The following KCNQ1 variants were observed in gnomAD, a reference collection of about 807,000 sequenced individuals.
KCNQ1 encodes the protein potassium voltage-gated channel subfamily KQT member 1.
Under a neutral mutation model 72.4 loss-of-function variants are expected in KCNQ1, and 49 were observed. That is an observed-to-expected ratio of 0.68 (90% CI 0.54 to 0.86). KCNQ1 has a LOEUF of 0.86. KCNQ1 is among the 40% of genes least tolerant of loss of function. The probability of loss-of-function intolerance (pLI) is 0.00; values close to 1 mark genes in which losing one functional copy is unlikely to be tolerated. For synonymous variants in KCNQ1, 450 were observed against 412.6 expected (o/e 1.09, Z -1.10); for missense variants, 790 against 945.1 (o/e 0.84, Z 2.15).
chr11:2,796,574 G>A (rs1455559467), intron 15 of KCNQ1, among the ~76,000 whole-genome samples: 1 of 152,226 alleles, frequency 6.6e-6, no homozygotes, highest in African/African-American at 2.4e-5. Context: ...TCTCCATGGG[G>A]AAGGAAAACG....
chr11:2,619,593 C>G (rs1376926179), intron 10 of KCNQ1: 2 of 398,252 alleles, frequency 5.0e-6, no homozygotes, highest in Non-Finnish European at 8.8e-6. Flanking sequence ...ATTTTTGCAT[C>G]GGTATTCTTG....
Position 2,595,117 on chromosome 11 carries a change from A to G in KCNQ1, c.1393+6263A>G, listed in dbSNP as rs1488357762. 6.6e-6 allele frequency among the ~76,000 whole-genome samples: 1 copy of G among 152,198 alleles called. No homozygotes were observed. Among genetic ancestry groups the G allele is most frequent in the Admixed American group, 6.5e-5 (1 of 15,280 alleles). On this transcript the variant is annotated intron_variant, in intron 10 of 15. Transcript: ENST00000155840. This position sits in a 1 kb window ranked among gnomAD's most constrained non-coding sequence, Gnocchi z 5.0. ...TAGACAACCTATGCAGTGTAAACAG[A>G]AACCCCAATCTCCTGTGAGAGCAAG...
chr11:2,741,698 G>C (rs1270571402), intron 11 of KCNQ1, among the ~76,000 whole-genome samples: 3 of 152,244 alleles, frequency 2.0e-5, no homozygotes, highest in Non-Finnish European at 4.4e-5. Context: ...CGCTGTGAGT[G>C]GGGGCAGGCT....
In KCNQ1 at chr11:2,678,525, A is replaced by G; in HGVS notation, c.1514+16444A>G. ...TTCTAGACTCTATTCTGGACTGCTG[A>G]TGGGCCTGTTGATAGGCCAGAGCTC... On this transcript the variant is annotated intron_variant, in intron 11 of 15. Coordinates refer to ENST00000155840, the MANE Select transcript of KCNQ1 (RefSeq NM_000218.3). The surrounding 1 kb of genome is among the most constrained non-coding windows in gnomAD (Gnocchi z 4.9). 1 of 398,598 alleles carries G rather than the reference A, an allele frequency of 2.5e-6. No homozygotes were observed. The highest frequency in any genetic ancestry group is 4.4e-6 in the Non-Finnish European group (1 of 226,066). The allele number at this position is 398,598 out of a possible 1,614,324, so 24.7% of individuals were successfully genotyped here.
intron 11 of KCNQ1, among the ~76,000 whole-genome samples, chr11:2,753,888 T>G (rs980243407): frequency 1.1e-4 from 16 of 152,336 alleles, no homozygotes; most frequent in African/African-American, 1.9e-4. Flanking sequence ...GCTGGTTTTT[T>G]TTGTTGTTGT....
intron 10 of KCNQ1, chr11:2,616,541 T>C: frequency 2.5e-6 from 1 of 398,108 alleles, no homozygotes; most frequent in South Asian, 1.3e-4. Context: ...ATTTTTCCTC[T>C]GAGCACTTCT....
At chr11:2,496,602 A>C (rs1846925857) in intron 1 of KCNQ1, among the ~76,000 whole-genome samples, 1 of 142,934 alleles carries the variant, frequency 7.0e-6, no homozygotes, top group Non-Finnish European at 1.5e-5. Flanking sequence ...GGATCTCCTG[A>C]ATAAAGCACA....
At chr11:2,619,495 T>C in intron 10 of KCNQ1, 1 of 398,606 alleles carries the variant, frequency 2.5e-6, no homozygotes, top group Non-Finnish European at 4.4e-6. Flanking sequence ...TAAATAAGAT[T>C]TGCATGCCAG....
rs1187006416 is a variant in KCNQ1, at chr11:2,638,124, CTT to C, written c.1394-23835_1394-23834del. On this transcript the variant is annotated intron_variant, in intron 10 of 15. Transcript: ENST00000155840. ...TACAGCACACTGATGGGTCTTGACT[CTT>C]TATCCAATTTGCCAGTCTGTGTCTT... 1.4e-4 allele frequency: 21 copies of C among 152,236 alleles called. No homozygotes were observed. The East Asian group carries it at 3.1e-3, about 22-fold the overall frequency. The allele number at this position is 152,236 out of a possible 1,614,324, so 9.4% of individuals were successfully genotyped here.
Position 2,659,468 on chromosome 11 carries a change from A to G in KCNQ1, c.1394-2493A>G. 2.5e-6 allele frequency: 1 copy of G among 398,564 alleles called. No homozygotes were observed. Among genetic ancestry groups the G allele is most frequent in the Non-Finnish European group, 4.4e-6 (1 of 226,030 alleles). 24.7% of individuals were successfully genotyped at this position (398,564 alleles called of 1,614,324 possible). The stretch of plus-strand genomic sequence containing the variant: ...TCTTTTTATTGCTGGGTGGTATTCC[A>G]TTGCATGAATATATACATTTTGTTT... On this transcript the variant is annotated intron_variant, in intron 10 of 15. Coordinates refer to ENST00000155840, the MANE Select transcript of KCNQ1 (RefSeq NM_000218.3). The surrounding 1 kb of genome is among the most constrained non-coding windows in gnomAD (Gnocchi z 4.3).
rs890532269 is a variant in KCNQ1, at chr11:2,451,050, A to C, written c.386+5566A>C. On this transcript the variant is annotated intron_variant, in intron 1 of 15. Transcript: ENST00000155840. The surrounding 1 kb of genome is among the most constrained non-coding windows in gnomAD (Gnocchi z 6.4). ...TTCAGGGTGTGGGGTCCATCTGAGC[A>C]GGCATGGTGCTTCCAGAAGGATCCA... is the stretch of plus-strand genomic sequence containing the variant. Among the ~76,000 whole-genome samples the C allele has an allele frequency of 1.3e-5, 2 of 152,130 alleles. No homozygotes were observed. The highest frequency in any genetic ancestry group is 3.9e-4 in the East Asian group (2 of 5,180).
chr11:2,639,233 C>T (rs1356196839), intron 10 of KCNQ1: 1 of 152,252 alleles, frequency 6.6e-6, no homozygotes, highest in African/African-American at 2.4e-5. Context: ...CATTCTCCGT[C>T]CAGCTTTGTT....
At chr11:2,700,234 A>G (rs1054573120) in intron 11 of KCNQ1, among the ~76,000 whole-genome samples, 2 of 151,778 alleles carry the variant, frequency 1.3e-5, no homozygotes, top group African/African-American at 4.8e-5. Context: ...GCTGGGTGTG[A>G]GGTGGCGCGA....
chr11:2,630,711 T>C (rs1849338813), intron 10 of KCNQ1: 2 of 398,366 alleles, frequency 5.0e-6, no homozygotes, highest in Non-Finnish European at 8.8e-6. Context: ...TTACTAATTA[T>C]CATCCTTCCA....
rs567416703 is a variant in KCNQ1, at chr11:2,727,117, G to A, written c.1515-41727G>A. Among the ~76,000 whole-genome samples the A allele has an allele frequency of 1.7e-3, 261 of 152,306 alleles. 2 individuals are homozygous for A. Among genetic ancestry groups the A allele is most frequent in the African/African-American group, 6.0e-3 (251 of 41,546 alleles). ...CTGTGATATATCTGCCCCTGTAGGA[G>A]CGAGACAGACATAAGCCAGATTTCA... On this transcript the variant is annotated intron_variant, in intron 11 of 15. Transcript: ENST00000155840.
rs1000052898 is a variant in KCNQ1, at chr11:2,759,546, G to A, written c.1515-9298G>A. ...ACGCACAGGTGTGGGACCTCACTGC[G>A]CGGGAGGGAGTTGCAAAGAGCGACA... On this transcript the variant is annotated intron_variant, in intron 11 of 15. Transcript: ENST00000155840. This position sits in a 1 kb window ranked among gnomAD's most constrained non-coding sequence, Gnocchi z 4.4. Among the ~76,000 whole-genome samples the A allele has an allele frequency of 4.6e-5, 7 of 152,214 alleles. No homozygotes were observed. The highest frequency in any genetic ancestry group is 7.3e-5 in the Non-Finnish European group (5 of 68,034).
chr11:2,487,843 G>A (rs1199982490), intron 1 of KCNQ1, among the ~76,000 whole-genome samples: 1 of 151,852 alleles, frequency 6.6e-6, no homozygotes, highest in Admixed American at 6.6e-5. Context: ...TTCCATTCTG[G>A]ATGCCTTTTA....
chr11:2,674,456 A>G lies in KCNQ1; in HGVS notation c.1514+12375A>G, dbSNP rs1590023662. 1 of 398,476 alleles carries G rather than the reference A, an allele frequency of 2.5e-6. No homozygotes were observed. Among genetic ancestry groups the G allele is most frequent in the Non-Finnish European group, 4.4e-6 (1 of 226,076 alleles). 24.7% of individuals were successfully genotyped at this position (398,476 alleles called of 1,614,324 possible). ...AGAGGCTGGGGGGAGGCACGTGGGG[A>G]GGAGGGCTGCCTGTCGAGATGTGTA... On this transcript the variant is annotated intron_variant, in intron 11 of 15. Coordinates refer to ENST00000155840, the MANE Select transcript of KCNQ1 (RefSeq NM_000218.3). The surrounding 1 kb of genome is among the most constrained non-coding windows in gnomAD (Gnocchi z 5.9).
At position 2,748,911 on chromosome 11, in the gene KCNQ1, C is replaced by A. The variant is rs1338084385; in HGVS notation, c.1515-19933C>A. On this transcript the variant is annotated intron_variant, in intron 11 of 15. Coordinates refer to ENST00000155840, the MANE Select transcript of KCNQ1 (RefSeq NM_000218.3). The surrounding 1 kb of genome is among the most constrained non-coding windows in gnomAD (Gnocchi z 6.2). ...CCAGAGTGCCCTCTTCCCCTCTTTG[C>A]GGTTGTCACCCTGTCCTTGAGTCTA... Among the ~76,000 whole-genome samples the A allele has an allele frequency of 6.6e-6, 1 of 152,252 alleles. No homozygotes were observed. The highest frequency in any genetic ancestry group is 1.5e-5 in the Non-Finnish European group (1 of 68,042).
Sources: gnomAD v4.1 joint callset for allele counts (sites outside exome capture counted in the v4.1 genomes callset) on GRCh38, gnomAD v4.1.1 for gene constraint, Gnocchi (gnomAD v3.1) non-coding constraint, MANE v1.5 for transcripts, NCBI Gene and HGNC (gene_info 2026-07-23, HGNC 2026-07-21) for gene names.